The following SPSB4 variants were observed in gnomAD, a reference collection of about 807,000 sequenced individuals.
SPSB4 encodes the protein SPRY domain-containing SOCS box protein 4.
Under a neutral mutation model 20.9 loss-of-function variants are expected in SPSB4, and 21 were observed. The ratio of observed to expected loss-of-function variants is 1.01; its 90% CI spans 0.71 to 1.45. The LOEUF (loss-of-function observed/expected upper bound fraction) is 1.45. Among genes scored for constraint, SPSB4 ranks in the 40% most tolerant of loss-of-function variants. The probability of loss-of-function intolerance (pLI) is 0.00; values close to 1 mark genes in which losing one functional copy is unlikely to be tolerated. For missense variants in SPSB4, 399 were observed against 399.2 expected, an observed-to-expected ratio of 1.00 and a Z score of 0.00; for synonymous variants, 207 against 183.8, an observed-to-expected ratio of 1.13 and a Z score of -1.02.
chr3:141,089,994 C>T (rs1576526643), intron 2 of SPSB4, among the ~76,000 whole-genome samples: 1 of 151,466 alleles, frequency 6.6e-6, no homozygotes, highest in Admixed American at 6.6e-5. Context: ...CTCCCTCCCT[C>T]CCCCGTCCCT....
At chr3:141,140,512 G>A (rs1264948111) in intron 2 of SPSB4, among the ~76,000 whole-genome samples, 1 of 152,188 alleles carries the variant, frequency 6.6e-6, no homozygotes, top group African/African-American at 2.4e-5. Flanking sequence ...GGTTTTTGGT[G>A]TGGATGTCCT....
chr3:141,058,868 C>G (rs542819171), intron 1 of SPSB4, among the ~76,000 whole-genome samples: 47 of 152,264 alleles, frequency 3.1e-4, no homozygotes, highest in African/African-American at 1.0e-3. Flanking sequence ...CTTCATGTCC[C>G]CATATCCTGA....
At chr3:141,124,388 G>A (rs971064157) in intron 2 of SPSB4, among the ~76,000 whole-genome samples, 2 of 152,188 alleles carry the variant, frequency 1.3e-5, no homozygotes, top group African/African-American at 4.8e-5. Flanking sequence ...TCTGGCAGCA[G>A]GACAGAATAT....
At chr3:141,090,236 C>T (rs1370372601) in intron 2 of SPSB4, among the ~76,000 whole-genome samples, 2 of 152,144 alleles carry the variant, frequency 1.3e-5, no homozygotes, top group African/African-American at 4.8e-5. Flanking sequence ...AATTGAGTAC[C>T]TACTACATGC....
rs143616000 is a variant in SPSB4, at chr3:141,147,506, C to T, written c.*237C>T. 5.3e-6 allele frequency: 3 copies of T among 569,954 alleles called. No individual in the cohort carries two copies. Among genetic ancestry groups the T allele is most frequent in the Admixed American group, 6.3e-5 (2 of 31,860 alleles). 35.3% of individuals were successfully genotyped at this position (569,954 alleles called of 1,614,324 possible). A position where few individuals can be genotyped will look rare whatever the true frequency, so the allele number is the denominator to read the frequency against. On this transcript the variant is annotated 3_prime_UTR_variant, in exon 3 of 3. Transcript: ENST00000310546. ...AAGTCAGACACCTCCTTCGGAGCCACAGAGAGCCTGGAGTCTGCACCTCCT... is the reference window on the plus strand; with the variant it reads ...AAGTCAGACACCTCCTTCGGAGCCATAGAGAGCCTGGAGTCTGCACCTCCT...
intron 2 of SPSB4, among the ~76,000 whole-genome samples, chr3:141,119,766 A>G (rs768184520): frequency 3.9e-5 from 6 of 152,096 alleles, no homozygotes; most frequent in Non-Finnish European, 7.4e-5. Flanking sequence ...TATCCCCTTT[A>G]TCATTTTTTA....
chr3:141,122,843 A>C (rs1263078381), intron 2 of SPSB4, among the ~76,000 whole-genome samples: 1 of 152,160 alleles, frequency 6.6e-6, no homozygotes, highest in Non-Finnish European at 1.5e-5. Context: ...CCAGGTATAG[A>C]CTGTCACAGC....
At chr3:141,053,271 T>A (rs1936127846) in intron 1 of SPSB4, among the ~76,000 whole-genome samples, 1 of 147,326 alleles carries the variant, frequency 6.8e-6, no homozygotes, top group Non-Finnish European at 1.5e-5. Flanking sequence ...GTAAAATGTG[T>A]AAAAGCATGA....
At chr3:141,103,958 G>A (rs1347592788) in intron 2 of SPSB4, among the ~76,000 whole-genome samples, 1 of 152,026 alleles carries the variant, frequency 6.6e-6, no homozygotes, top group Admixed American at 6.6e-5. Context: ...CATGCTCAAA[G>A]TAGGTTCGTC....
rs139170385 is a variant in SPSB4 at position 141,139,695 on chromosome 3, C to T, written c.695-7447C>T. ...CTCTTCTGGCTTGTGGAGTTTCTGC[C>T]GAGAGATCAGCTGTTAGTCTGATGG... On this transcript the variant is annotated intron_variant, in intron 2 of 2. Transcript: ENST00000310546. 9.8e-3 allele frequency among the ~76,000 whole-genome samples: 1,486 copies of T among 152,282 alleles called. 28 individuals carry two copies. The highest frequency in any genetic ancestry group is 0.034 in the African/African-American group (1,415 of 41,554).
intron 2 of SPSB4, among the ~76,000 whole-genome samples, chr3:141,121,460 C>T (rs1427917771): frequency 6.6e-6 from 1 of 152,106 alleles, no homozygotes; most frequent in Non-Finnish European, 1.5e-5. Flanking sequence ...TGTTGGCCTG[C>T]CTTGCTAGGT....
At chr3:141,063,044 G>C (rs1307165878) in intron 1 of SPSB4, among the ~76,000 whole-genome samples, 1 of 152,108 alleles carries the variant, frequency 6.6e-6, no homozygotes, top group African/African-American at 2.4e-5. Context: ...CTTTTGCTCT[G>C]AATTTTGGTG....
chr3:141,142,803 CTTTTTTTTTT>C lies in SPSB4; in HGVS notation c.695-4317_695-4308del, dbSNP rs57674247. On this transcript the variant is annotated intron_variant, in intron 2 of 2. Coordinates refer to ENST00000310546, the MANE Select transcript of SPSB4 (RefSeq NM_080862.3). ...ATTATGATATAATGTCCCTCTTTGT[CTTTTTTTTTT>C]TTTTTTTTTTTTTTTTTTTTTGAGA... Among the ~76,000 whole-genome samples the C allele has an allele frequency of 8.9e-3, 550 of 61,894 alleles. 2 individuals carry two copies. The highest frequency in any genetic ancestry group is 0.027 in the African/African-American group (532 of 19,702). The allele number at this position is 61,894 out of a possible 152,430, so 40.6% of individuals were successfully genotyped here.
In SPSB4 at chr3:141,132,998, C is replaced by T. The variant is rs536598228; in HGVS notation, c.695-14144C>T. 3.3e-5 allele frequency among the ~76,000 whole-genome samples: 5 copies of T among 152,120 alleles called. No homozygotes were observed. In the South Asian group the frequency reaches 1.0e-3, roughly 32 times the overall value. Reference sequence around the variant, plus strand: ...ACGTCTGTTATTTCTTAAATTATGGCCATTCTTGCAGGAGTAAGTATTTCA... The same window carrying T: ...ACGTCTGTTATTTCTTAAATTATGGTCATTCTTGCAGGAGTAAGTATTTCA... On this transcript the variant is annotated intron_variant, in intron 2 of 2. Coordinates refer to ENST00000310546, the MANE Select transcript of SPSB4 (RefSeq NM_080862.3).
At chr3:141,114,372 A>AAG (rs1223888752) in intron 2 of SPSB4, among the ~76,000 whole-genome samples, 2 of 152,150 alleles carry the variant, frequency 1.3e-5, no homozygotes, top group African/African-American at 2.4e-5. Flanking sequence ...ACAAATCCTT[A>AAG]AGAGCTTTGG....
intron 2 of SPSB4, chr3:141,077,258 C>T (rs1938133397): frequency 6.6e-6 from 1 of 152,258 alleles, no homozygotes; most frequent in South Asian, 2.1e-4. Context: ...TTGGAAAATA[C>T]TGCCGTGCAG....
chr3:141,055,269 C>T (rs898458708), intron 1 of SPSB4, among the ~76,000 whole-genome samples: 8 of 151,910 alleles, frequency 5.3e-5, no homozygotes, highest in Non-Finnish European at 7.4e-5. Context: ...GGGGCTGCCA[C>T]GGAGGGGTGC....
intron 2 of SPSB4, chr3:141,077,205 G>A (rs942587724): frequency 8.5e-5 from 13 of 152,232 alleles, no homozygotes. Context: ...CCTCCTTAAT[G>A]AGTTATTTGC....
intron 2 of SPSB4, among the ~76,000 whole-genome samples, chr3:141,105,619 G>C (rs1938675444): frequency 6.6e-6 from 1 of 152,154 alleles, no homozygotes; most frequent in African/African-American, 2.4e-5. Flanking sequence ...ACTTGCCGAA[G>C]ACATACAGCT....
Sources: allele counts gnomAD v4.1 joint callset (sites outside exome capture counted in the v4.1 genomes callset), GRCh38; gene constraint gnomAD v4.1.1; transcripts MANE v1.5; gene names NCBI Gene and HGNC (gene_info 2026-07-23, HGNC 2026-07-21).